The following TBC1D5 variants were observed in gnomAD, a reference collection of about 807,000 sequenced individuals.
TBC1D5 encodes TBC1 domain family, member 5.
TBC1D5 carries 75 observed loss-of-function variants against 100.3 expected under a neutral mutation model. That is an observed-to-expected ratio of 0.75 (90% CI 0.62 to 0.91). The LOEUF (loss-of-function observed/expected upper bound fraction) is 0.91. Ranked by LOEUF, TBC1D5 falls within the 40% of genes least tolerant of loss-of-function variation. The probability of loss-of-function intolerance (pLI) is 0.00; values close to 1 mark genes in which losing one functional copy is unlikely to be tolerated. For synonymous variants in TBC1D5, 323 were observed against 325.6 expected (o/e 0.99, Z 0.09); for missense variants, 910 against 942.4 (o/e 0.97, Z 0.45).
chr3:17,736,360 C>A (rs1206304285), intron 1 of TBC1D5, among the ~76,000 whole-genome samples: 4 of 152,172 alleles, frequency 2.6e-5, no homozygotes, highest in Admixed American at 6.5e-5. Context: ...CTTAAATTAA[C>A]CCCAATCTTA....
At chr3:17,602,073 C>G (rs566053950) in intron 2 of TBC1D5, among the ~76,000 whole-genome samples, 1 of 152,106 alleles carries the variant, frequency 6.6e-6, no homozygotes, top group African/African-American at 2.4e-5. Flanking sequence ...CCTCGTGATC[C>G]GCCCACCTCG....
chr3:17,601,436 G>T (rs938705815), intron 2 of TBC1D5, among the ~76,000 whole-genome samples: 2 of 152,208 alleles, frequency 1.3e-5, no homozygotes, highest in Non-Finnish European at 2.9e-5. Flanking sequence ...GCTTGAATCC[G>T]GGAGGCGGAG....
At chr3:17,436,395 G>A (rs1206776961) in intron 3 of TBC1D5, among the ~76,000 whole-genome samples, 1 of 152,104 alleles carries the variant, frequency 6.6e-6, no homozygotes, top group Non-Finnish European at 1.5e-5. Flanking sequence ...TTATAATACT[G>A]GTTCTAGTAG....
At chr3:17,172,607 A>C (rs1307579288) in intron 19 of TBC1D5, among the ~76,000 whole-genome samples, 1 of 152,206 alleles carries the variant, frequency 6.6e-6, no homozygotes, top group Non-Finnish European at 1.5e-5. Flanking sequence ...TAAAGGGGAA[A>C]CTGTCACATA....
chr3:17,396,586 A>T (rs1475163216), intron 8 of TBC1D5, among the ~76,000 whole-genome samples: 2 of 148,120 alleles, frequency 1.4e-5, no homozygotes, highest in Non-Finnish European at 3.0e-5. Context: ...TCTTTAAATT[A>T]AAAAAAAAAA....
intron 2 of TBC1D5, among the ~76,000 whole-genome samples, chr3:17,569,865 C>T (rs986172396): frequency 6.6e-6 from 1 of 151,556 alleles, no homozygotes; most frequent in East Asian, 1.9e-4. Flanking sequence ...CTTAATGCAT[C>T]AAAAAAGCTA....
intron 2 of TBC1D5, among the ~76,000 whole-genome samples, chr3:17,590,789 T>A (rs898479990): frequency 6.6e-6 from 1 of 152,058 alleles, no homozygotes; most frequent in African/African-American, 2.4e-5. Flanking sequence ...AAAGCAGCAA[T>A]CAGAATAGTC....
chr3:17,608,065 T>A (rs1279606913), intron 2 of TBC1D5, among the ~76,000 whole-genome samples: 3 of 152,184 alleles, frequency 2.0e-5, no homozygotes, highest in Non-Finnish European at 4.4e-5. Context: ...AAAACCAGCC[T>A]GGCCAACATT....
chr3:17,531,072 T>C (rs893105706), intron 2 of TBC1D5, among the ~76,000 whole-genome samples: 1 of 152,208 alleles, frequency 6.6e-6, no homozygotes, highest in Non-Finnish European at 1.5e-5. Flanking sequence ...CATGATTGTA[T>C]ATCTAGAAAA....
At chr3:17,205,250 T>C (rs1449477490) in intron 18 of TBC1D5, among the ~76,000 whole-genome samples, 1 of 152,224 alleles carries the variant, frequency 6.6e-6, no homozygotes, top group African/African-American at 2.4e-5. Flanking sequence ...CACTTGAAAA[T>C]CCTATAATTA....
chr3:17,469,509 G>GAA (rs375335378), intron 3 of TBC1D5, among the ~76,000 whole-genome samples: 3 of 126,564 alleles, frequency 2.4e-5, no homozygotes, highest in Non-Finnish European at 3.5e-5. Context: ...ACATGCACAA[G>GAA]AAAAAAAAAA....
At chr3:17,604,775 AG>A (rs1435488205) in intron 2 of TBC1D5, among the ~76,000 whole-genome samples, 2 of 152,176 alleles carry the variant, frequency 1.3e-5, no homozygotes, top group Non-Finnish European at 1.5e-5. Flanking sequence ...CCAGGGTTCA[AG>A]CAATTCTCAT....
intron 19 of TBC1D5, among the ~76,000 whole-genome samples, chr3:17,168,241 A>T (rs761460985): frequency 1.4e-4 from 21 of 152,334 alleles, no homozygotes; most frequent in Middle Eastern, 3.4e-3. Context: ...GATTCCTTCC[A>T]GGTGACTGAA....
intron 2 of TBC1D5, among the ~76,000 whole-genome samples, chr3:17,531,644 C>A (rs2096227461): frequency 6.6e-6 from 1 of 152,092 alleles, no homozygotes; most frequent in South Asian, 2.1e-4. Flanking sequence ...GAGATACAGA[C>A]CAATGGAACA....
intron 15 of TBC1D5, among the ~76,000 whole-genome samples, chr3:17,291,239 A>AT (rs2081705468): frequency 2.0e-5 from 3 of 152,170 alleles, no homozygotes; most frequent in African/African-American, 4.8e-5. Flanking sequence ...GGATTCACAG[A>AT]TTTTTTTAGA....
At chr3:17,175,463 T>C (rs2067617105) in intron 19 of TBC1D5, among the ~76,000 whole-genome samples, 2 of 152,214 alleles carry the variant, frequency 1.3e-5, no homozygotes, top group African/African-American at 2.4e-5. Flanking sequence ...TCTGTCATAA[T>C]CATGATATGG....
At chr3:17,293,375 A>G (rs1383964782) in intron 14 of TBC1D5, among the ~76,000 whole-genome samples, 2 of 152,250 alleles carry the variant, frequency 1.3e-5, no homozygotes, top group Non-Finnish European at 1.5e-5. Flanking sequence ...GTAATTATCT[A>G]TTAGTAATTG....
chr3:17,247,393 A>T (rs1356522217), intron 16 of TBC1D5, among the ~76,000 whole-genome samples: 2 of 152,222 alleles, frequency 1.3e-5, no homozygotes, highest in African/African-American at 4.8e-5. Flanking sequence ...ATTATACTGC[A>T]GTCTATTCAG....
intron 16 of TBC1D5, among the ~76,000 whole-genome samples, chr3:17,245,022 CAAAAAAA>C (rs34531807): frequency 2.0e-4 from 7 of 35,362 alleles, no homozygotes; most frequent in African/African-American, 6.5e-4. Flanking sequence ...CCTGTCTCTA[CAAAAAAA>C]AAAAAAAAAA....
Sources: gnomAD v4.1 joint callset for allele counts (sites outside exome capture counted in the v4.1 genomes callset) on GRCh38, gnomAD v4.1.1 for gene constraint, MANE v1.5 for transcripts, NCBI Gene and HGNC (gene_info 2026-07-23, HGNC 2026-07-21) for gene names.